The following MACROD2 variants were observed in gnomAD, a reference collection of about 807,000 sequenced individuals.
The protein encoded by MACROD2 is ADP-ribose glycohydrolase MACROD2.
Under a neutral mutation model 70.4 loss-of-function variants are expected in MACROD2, and 36 were observed. The ratio of observed to expected loss-of-function variants is 0.51; its 90% confidence interval spans 0.39 to 0.68. The LOEUF is 0.68. Among genes scored for constraint, MACROD2 ranks in the 30% least tolerant of loss-of-function variants. MACROD2 has a pLI of 0.00. For synonymous variants in MACROD2, 172 were observed against 178.8 expected (o/e 0.96, Z 0.30); for missense variants, 496 against 538.4 (o/e 0.92, Z 0.78).
rs1160456944 is a variant in MACROD2 at position 14,154,547 on chromosome 20, G to A, written c.271+68819G>A. On this transcript the variant is annotated intron_variant, in intron 3 of 17. Coordinates refer to ENST00000684519, the MANE Select transcript of MACROD2 (RefSeq NM_001351661.2). ...ACGACAGGCTCCCGCCACTACGCCCGGCTAATTTTTTTTTTTTTTTTTTTT... is the reference window on the plus strand; with the variant it reads ...ACGACAGGCTCCCGCCACTACGCCCAGCTAATTTTTTTTTTTTTTTTTTTT... Among the ~76,000 whole-genome samples the A allele has an allele frequency of 2.9e-5, 4 of 139,280 alleles. No homozygotes were observed. The South Asian group carries it at 7.2e-4, about 25-fold the overall frequency. 91.4% of individuals were successfully genotyped at this position (139,280 alleles called of 152,430 possible).
intron 5 of MACROD2, among the ~76,000 whole-genome samples, chr20:14,793,601 C>T (rs2072476026): frequency 6.6e-6 from 1 of 151,860 alleles, no homozygotes; most frequent in Non-Finnish European, 1.5e-5. Context: ...AGCTACAAAG[C>T]CAAAAAGAGA....
Position 14,648,050 on chromosome 20 carries a change from G to A in MACROD2, c.302-36793G>A, listed in dbSNP as rs143036084. ...ATTTTCATTTACCTTTGCCTCCATA[G>A]TGCCTTATATGTAGTGCCTAAATAC... On this transcript the variant is annotated intron_variant, in intron 4 of 17. Coordinates refer to ENST00000684519, the MANE Select transcript of MACROD2 (RefSeq NM_001351661.2). 4.3e-4 allele frequency among the ~76,000 whole-genome samples: 66 copies of A among 152,242 alleles called. No individual in the cohort carries two copies. The East Asian group carries it at 0.011, about 25-fold the overall frequency.
At chr20:14,078,333 G>T (rs3859625) in intron 2 of MACROD2, among the ~76,000 whole-genome samples, 151,389 of 152,366 alleles carry the variant, frequency 0.99, 75,217 homozygotes, top group East Asian at 1. Flanking sequence ...TAGTTATCGA[G>T]GATCCTGTTT....
chr20:14,765,263 C>G (rs894593275), intron 5 of MACROD2, among the ~76,000 whole-genome samples: 1 of 152,078 alleles, frequency 6.6e-6, no homozygotes, highest in South Asian at 2.1e-4. Flanking sequence ...TACACCCATC[C>G]TTACTCTCTC....
At chr20:14,442,972 G>A (rs527599798) in intron 3 of MACROD2, among the ~76,000 whole-genome samples, 2 of 151,868 alleles carry the variant, frequency 1.3e-5, no homozygotes, top group African/African-American at 4.8e-5. Flanking sequence ...CTAGCTACTC[G>A]GGAGGCTGAG....
chr20:14,954,980 A>C (rs1417962457), intron 5 of MACROD2, among the ~76,000 whole-genome samples: 3 of 101,854 alleles, frequency 2.9e-5, no homozygotes, highest in African/African-American at 4.0e-5. Flanking sequence ...TATATAATTA[A>C]ATATATTAAA....
At position 14,067,123 on chromosome 20, in the gene MACROD2, G is replaced by GTTTTTTTTT. The variant is rs544348706; in HGVS notation, c.164-18487_164-18479dup. Among the ~76,000 whole-genome samples, 22 of 85,050 alleles carry GTTTTTTTTT rather than the reference G, an allele frequency of 2.6e-4. 1 individual carries two copies. Among genetic ancestry groups the GTTTTTTTTT allele is most frequent in the East Asian group, 1.8e-3 (5 of 2,794 alleles). 55.8% of individuals were successfully genotyped at this position (85,050 alleles called of 152,430 possible). A position where few individuals can be genotyped will look rare whatever the true frequency, so the allele number is the denominator to read the frequency against. ...ACTGCACCTGGCCTGATTTTTTAGT[G>GTTTTTTTTT]TTTTTTTTTTTTTTTTTTTGAGACA... On this transcript the variant is annotated intron_variant, in intron 2 of 17. Coordinates refer to ENST00000684519, the MANE Select transcript of MACROD2 (RefSeq NM_001351661.2).
intron 3 of MACROD2, among the ~76,000 whole-genome samples, chr20:14,361,244 A>C (rs2083218973): frequency 6.6e-6 from 1 of 152,100 alleles, no homozygotes; most frequent in South Asian, 2.1e-4. Flanking sequence ...TCCCTAGCCT[A>C]TTCTAGAAAG....
chr20:14,764,682 A>G (rs527976394), intron 5 of MACROD2, among the ~76,000 whole-genome samples: 2 of 152,200 alleles, frequency 1.3e-5, no homozygotes, highest in South Asian at 2.1e-4. Context: ...TGAGTATTGT[A>G]CCAAATTCCT....
chr20:15,764,359 T>C (rs1377666402), intron 8 of MACROD2, among the ~76,000 whole-genome samples: 1 of 152,232 alleles, frequency 6.6e-6, no homozygotes, highest in Non-Finnish European at 1.5e-5. Context: ...TGTTCATCCA[T>C]TTAATACCAC....
intron 5 of MACROD2, among the ~76,000 whole-genome samples, chr20:15,215,463 CAATTACATTA>C (rs1220446389): frequency 5.9e-5 from 9 of 152,090 alleles, no homozygotes; most frequent in Middle Eastern, 3.4e-3. Flanking sequence ...ATTTGGTGAG[CAATTACATTA>C]CTAGTGTTCT....
At chr20:15,084,074 T>TTTTTTG (rs1555780893) in intron 5 of MACROD2, among the ~76,000 whole-genome samples, 16 of 117,078 alleles carry the variant, frequency 1.4e-4, no homozygotes, top group South Asian at 4.7e-4. Context: ...TTTTTTTTGT[T>TTTTTTG]TTTTTTTTTT....
chr20:14,755,740 T>G (rs1166857569), intron 5 of MACROD2, among the ~76,000 whole-genome samples: 2 of 151,986 alleles, frequency 1.3e-5, no homozygotes, highest in African/African-American at 4.8e-5. Context: ...ATGTCTATTT[T>G]CCTTTGGAGG....
chr20:14,126,547 T>TAAA (rs1262334289), intron 3 of MACROD2, among the ~76,000 whole-genome samples: 286 of 152,312 alleles, frequency 1.9e-3, no homozygotes, highest in African/African-American at 6.3e-3. Context: ...ATTAAAGGTT[T>TAAA]GTGGTAACCC....
chr20:15,395,023 C>T (rs1441115358), intron 6 of MACROD2, among the ~76,000 whole-genome samples: 1 of 152,212 alleles, frequency 6.6e-6, no homozygotes, highest in African/African-American at 2.4e-5. Flanking sequence ...ATCAAAGCTA[C>T]TAATTACCAT....
intron 3 of MACROD2, among the ~76,000 whole-genome samples, chr20:14,392,390 T>C (rs1291073889): frequency 2.6e-5 from 4 of 152,178 alleles, no homozygotes; most frequent in African/African-American, 9.6e-5. Flanking sequence ...TCTGAAACTT[T>C]ATGTGACTTC....
At chr20:14,206,694 G>A (rs2081526907) in intron 3 of MACROD2, among the ~76,000 whole-genome samples, 1 of 149,512 alleles carries the variant, frequency 6.7e-6, no homozygotes, top group Non-Finnish European at 1.5e-5. Context: ...GCTTGAAGAT[G>A]TAGTCGTCAT....
chr20:15,832,778 C>T (rs555196057), intron 8 of MACROD2, among the ~76,000 whole-genome samples: 1 of 152,184 alleles, frequency 6.6e-6, no homozygotes, highest in Non-Finnish European at 1.5e-5. Flanking sequence ...GAGAGTGCAG[C>T]CTGGAACCCG....
intron 5 of MACROD2, among the ~76,000 whole-genome samples, chr20:15,030,511 A>G (rs894605398): frequency 3.9e-5 from 6 of 152,316 alleles, no homozygotes; most frequent in African/African-American, 1.2e-4. Flanking sequence ...ATTGAGCTCT[A>G]GTTGCCCCAG....
Sources: gnomAD v4.1 joint callset for allele counts (sites outside exome capture counted in the v4.1 genomes callset) on GRCh38, gnomAD v4.1.1 for gene constraint, MANE v1.5 for transcripts, NCBI Gene and HGNC (gene_info 2026-07-23, HGNC 2026-07-21) for gene names.